DNAH11: variants seen among roughly 807,000 people sequenced by gnomAD.
DNAH11 encodes axonemal beta dynein heavy chain 11.
In DNAH11, 442 loss-of-function variants were observed where a neutral mutation model predicts 526.0. That is an observed-to-expected ratio of 0.84 (90% CI 0.78 to 0.91). DNAH11 has a LOEUF of 0.91. Ranked by LOEUF, DNAH11 falls within the 40% of genes least tolerant of loss-of-function variation. The probability of loss-of-function intolerance (pLI) is 0.00; values close to 1 mark genes in which losing one functional copy is unlikely to be tolerated. For missense variants in DNAH11, 6,989 were observed against 5,448.7 expected, an observed-to-expected ratio of 1.28 and a Z score of -8.90; for synonymous variants, 2,461 against 1,935.9, an observed-to-expected ratio of 1.27 and a Z score of -7.12.
intron 6 of DNAH11, among the ~76,000 whole-genome samples, chr7:21,564,641 T>C (rs532116306): frequency 6.6e-6 from 1 of 152,294 alleles, no homozygotes; most frequent in South Asian, 2.1e-4. Flanking sequence ...ATCTGTACCT[T>C]TCTTCAAAAG....
intron 66 of DNAH11, among the ~76,000 whole-genome samples, chr7:21,846,292 C>G (rs370222482): frequency 2.0e-5 from 3 of 152,112 alleles, no homozygotes; most frequent in Non-Finnish European, 4.4e-5. Flanking sequence ...AACCTTGCCT[C>G]GTTCCTGATC....
At chr7:21,700,628 TAA>T (rs1784015355) in intron 36 of DNAH11, among the ~76,000 whole-genome samples, 1 of 152,194 alleles carries the variant, frequency 6.6e-6, no homozygotes. Context: ...CAAAGAATTA[TAA>T]ATCATTCTAC....
chr7:21,785,163 G>A (rs1263557840), intron 58 of DNAH11, among the ~76,000 whole-genome samples: 1 of 152,102 alleles, frequency 6.6e-6, no homozygotes, highest in East Asian at 1.9e-4. Flanking sequence ...AGACCTCTGG[G>A]GAGAGCTCAG....
intron 54 of DNAH11, among the ~76,000 whole-genome samples, chr7:21,762,260 A>G (rs10256021): frequency 0.34 from 51,540 of 152,012 alleles, 9,334 homozygotes; most frequent in Admixed American, 0.47. Context: ...CAGGGAAAGC[A>G]TTTTTGCCTG....
chr7:21,825,466 G>A (rs902835067), intron 65 of DNAH11, among the ~76,000 whole-genome samples: 18 of 152,192 alleles, frequency 1.2e-4, no homozygotes, highest in Non-Finnish European at 2.1e-4. Context: ...GTTTAGAAAT[G>A]TACATGCTCA....
At chr7:21,712,003 T>G in intron 42 of DNAH11, 143 bp downstream of exon 42, 1 of 1,009,800 alleles carries the variant, frequency 9.9e-7, no homozygotes, top group Non-Finnish European at 1.4e-6. Context: ...CTTCCCAAAG[T>G]GACACTCTTT....
At chr7:21,678,564 A>G (rs1456815593) in intron 30 of DNAH11, among the ~76,000 whole-genome samples, 1 of 151,788 alleles carries the variant, frequency 6.6e-6, no homozygotes, top group Non-Finnish European at 1.5e-5. Flanking sequence ...ACAAATTTTA[A>G]GATTGTTTTT....
At chr7:21,809,923 G>T (rs1334693849) in intron 63 of DNAH11, among the ~76,000 whole-genome samples, 1 of 152,050 alleles carries the variant, frequency 6.6e-6, no homozygotes, top group Non-Finnish European at 1.5e-5. Flanking sequence ...TTTAGTGATG[G>T]TTTCAACAAG....
At chr7:21,600,565 T>C (rs1205002598) in intron 15 of DNAH11, 111 bp from the exon 16 acceptor site, 1 of 1,219,766 alleles carries the variant, frequency 8.2e-7, no homozygotes, top group Non-Finnish European at 1.1e-6. Flanking sequence ...TGATTTTTAA[T>C]TTTTCTAACT....
chr7:21,757,659 G>A (rs994284902), intron 54 of DNAH11, among the ~76,000 whole-genome samples: 37 of 152,066 alleles, frequency 2.4e-4, no homozygotes, highest in Admixed American at 1.4e-3. Flanking sequence ...CTCTTTGCAC[G>A]TAGAGACAGT....
intron 36 of DNAH11, among the ~76,000 whole-genome samples, chr7:21,701,263 C>T (rs2128477960): frequency 6.6e-6 from 1 of 151,528 alleles, no homozygotes; most frequent in South Asian, 2.1e-4. Context: ...TACAACTGAA[C>T]CAAAAATTTC....
chr7:21,832,629 A>G (rs1781830988), intron 65 of DNAH11, among the ~76,000 whole-genome samples: 1 of 152,166 alleles, frequency 6.6e-6, no homozygotes, highest in Non-Finnish European at 1.5e-5. Flanking sequence ...TTGAAAGCCT[A>G]GAGGAAGGAG....
intron 6 of DNAH11, among the ~76,000 whole-genome samples, chr7:21,567,239 T>C (rs1028506628): frequency 6.6e-6 from 1 of 152,250 alleles, no homozygotes; most frequent in South Asian, 2.1e-4. Flanking sequence ...AACATGTTTT[T>C]AAATTTGTAC....
chr7:21,884,381 T>C lies in DNAH11; in HGVS notation c.12478T>C (p.Tyr4160His), dbSNP rs1257795267. Residue 4160 changes from tyrosine to histidine, a missense_variant, in exon 76 of 82, where the codon TAT (tyrosine) becomes CAT (histidine). Coordinates refer to ENST00000409508, the MANE Select transcript of DNAH11 (RefSeq NM_001277115.2). ...DDWDRKLCRVYLEEFMNPSLT... is the reference protein window; with the variant it reads ...DDWDRKLCRVHLEEFMNPSLT... ...CTGGGATCGCAAACTGTGTCGGGTG[T>C]ATTTAGAAGAATTCATGAATCCATC... 5.0e-6 allele frequency: 8 copies of C among 1,612,820 alleles called. No homozygotes were observed. The highest frequency in any genetic ancestry group is 6.8e-6 in the Non-Finnish European group (8 of 1,179,306).
intron 34 of DNAH11, among the ~76,000 whole-genome samples, chr7:21,688,728 G>A (rs1783489193): frequency 6.6e-6 from 1 of 152,320 alleles, no homozygotes; most frequent in East Asian, 1.9e-4. Context: ...CTTGGGCCAA[G>A]ACCTTTCAAA....
At chr7:21,811,464 A>G (rs369561059) in intron 63 of DNAH11, among the ~76,000 whole-genome samples, 2,344 of 152,044 alleles carry the variant, frequency 0.015, 22 homozygotes, top group Middle Eastern at 0.027. Flanking sequence ...TCAAAAAAAA[A>G]AAAATTAAGC....
At chr7:21,893,647 G>A (rs1310572943) in intron 77 of DNAH11, among the ~76,000 whole-genome samples, 4 of 152,216 alleles carry the variant, frequency 2.6e-5, no homozygotes, top group Non-Finnish European at 4.4e-5. Context: ...TTTCCAGCTC[G>A]GTGGAGCTGT....
At chr7:21,894,075 G>C (rs571520033) in intron 77 of DNAH11, among the ~76,000 whole-genome samples, 2 of 152,142 alleles carry the variant, frequency 1.3e-5, no homozygotes, top group Non-Finnish European at 2.9e-5. Context: ...TTTTAGTAGA[G>C]ACAGAGTTTC....
chr7:21,796,116 C>T (rs1167147085), intron 61 of DNAH11, among the ~76,000 whole-genome samples: 2 of 152,144 alleles, frequency 1.3e-5, no homozygotes, highest in African/African-American at 2.4e-5. Flanking sequence ...GTCCTATAGG[C>T]CAGAATATAC....
Sources: gnomAD v4.1 joint callset for allele counts (sites outside exome capture counted in the v4.1 genomes callset) on GRCh38, gnomAD v4.1.1 for gene constraint, MANE v1.5 for transcripts, NCBI Gene and HGNC (gene_info 2026-07-23, HGNC 2026-07-21) for gene names.